Variants in ST6GALNAC3 observed in about 807,000 individuals in gnomAD.
ST6GALNAC3 encodes the protein alpha-N-acetylgalactosaminide alpha-2,6-sialyltransferase 3.
A neutral mutation model predicts 32.7 loss-of-function variants in ST6GALNAC3; 25 were observed. That is an observed-to-expected ratio of 0.76 (90% CI 0.56 to 1.07). The LOEUF is 1.07. Ranked by LOEUF, ST6GALNAC3 falls within the 50% of genes least tolerant of loss-of-function variation. The pLI is 0.00. For missense variants in ST6GALNAC3, 355 were observed against 382.4 expected (o/e 0.93, Z 0.60); for synonymous variants, 129 against 133.1 (o/e 0.97, Z 0.21).
intron 2 of ST6GALNAC3, among the ~76,000 whole-genome samples, chr1:76,318,864 T>C (rs1047868347): frequency 4.6e-5 from 7 of 152,138 alleles, no homozygotes; most frequent in Non-Finnish European, 1.0e-4. Flanking sequence ...CAGGGCTTGG[T>C]TCAAGGTAAT....
At chr1:76,142,842 A>G (rs1418220276) in intron 1 of ST6GALNAC3, 1 of 451,772 alleles carries the variant, frequency 2.2e-6, no homozygotes, top group Admixed American at 2.4e-5. Flanking sequence ...TTTCTTTTAA[A>G]TTTTTCATCT....
intron 3 of ST6GALNAC3, among the ~76,000 whole-genome samples, chr1:76,571,696 C>A (rs1665869986): frequency 2.0e-5 from 3 of 152,058 alleles, no homozygotes; most frequent in Non-Finnish European, 4.4e-5. Flanking sequence ...AGTTGCTGTT[C>A]TTTGCTTATC....
chr1:76,271,219 C>G (rs759083948), intron 1 of ST6GALNAC3, among the ~76,000 whole-genome samples: 29 of 152,174 alleles, frequency 1.9e-4, no homozygotes, highest in Non-Finnish European at 4.1e-4. Context: ...TGGCAAGAGA[C>G]TTCCTTGCTG....
intron 1 of ST6GALNAC3, among the ~76,000 whole-genome samples, chr1:76,216,305 T>C (rs1217697770): frequency 6.6e-6 from 1 of 152,112 alleles, no homozygotes; most frequent in Admixed American, 6.6e-5. Context: ...CAAATACGCA[T>C]ATATGTGTAT....
At chr1:76,314,165 A>G (rs1203817922) in intron 2 of ST6GALNAC3, among the ~76,000 whole-genome samples, 166 bp downstream of exon 2, 2 of 152,038 alleles carry the variant, frequency 1.3e-5, no homozygotes, top group African/African-American at 4.8e-5. Flanking sequence ...ACATTTACTG[A>G]CAAATGTCTA....
intron 3 of ST6GALNAC3, among the ~76,000 whole-genome samples, chr1:76,599,768 T>A (rs1647193628): frequency 6.8e-6 from 1 of 146,484 alleles, no homozygotes; most frequent in South Asian, 2.2e-4. Context: ...GTGTGTAATG[T>A]TGCTCAGAAA....
chr1:76,627,129 T>A (rs183841027), intron 3 of ST6GALNAC3, among the ~76,000 whole-genome samples: 1 of 152,018 alleles, frequency 6.6e-6, no homozygotes, highest in African/African-American at 2.4e-5. Context: ...CTAATTTGTG[T>A]CTTATGGAAA....
intron 1 of ST6GALNAC3, among the ~76,000 whole-genome samples, chr1:76,090,787 G>T (rs776035245): frequency 6.6e-6 from 1 of 152,172 alleles, no homozygotes; most frequent in Non-Finnish European, 1.5e-5. Context: ...GACTTTGGGG[G>T]CTGGTGGGAC....
chr1:76,215,024 G>A (rs547804933), intron 1 of ST6GALNAC3, among the ~76,000 whole-genome samples: 8 of 152,282 alleles, frequency 5.3e-5, no homozygotes, highest in Middle Eastern at 3.4e-3. Flanking sequence ...TTAAAAGCTA[G>A]CATGAACATA....
intron 3 of ST6GALNAC3, among the ~76,000 whole-genome samples, chr1:76,488,907 C>T (rs931812974): frequency 6.6e-6 from 1 of 152,186 alleles, no homozygotes; most frequent in African/African-American, 2.4e-5. Context: ...AGGCCCAGGG[C>T]AAGCTCCACT....
intron 3 of ST6GALNAC3, among the ~76,000 whole-genome samples, chr1:76,599,998 G>A (rs1234837110): frequency 6.6e-6 from 1 of 152,150 alleles, no homozygotes; most frequent in Non-Finnish European, 1.5e-5. Flanking sequence ...TAGATGTTAC[G>A]GACTGAATGT....
intron 3 of ST6GALNAC3, among the ~76,000 whole-genome samples, chr1:76,426,411 G>A (rs1461121121): frequency 1.3e-5 from 2 of 151,710 alleles, no homozygotes; most frequent in African/African-American, 4.8e-5. Context: ...CAATATCGCT[G>A]TCTTCCACCT....
chr1:76,356,753 A>C (rs1293741185), intron 2 of ST6GALNAC3, among the ~76,000 whole-genome samples: 1 of 152,198 alleles, frequency 6.6e-6, no homozygotes, highest in Admixed American at 6.5e-5. Flanking sequence ...CCTAGGATAC[A>C]TAGATAATGC....
intron 1 of ST6GALNAC3, among the ~76,000 whole-genome samples, chr1:76,096,323 A>G (rs1351582571): frequency 1.3e-5 from 2 of 152,172 alleles, no homozygotes; most frequent in Non-Finnish European, 2.9e-5. Context: ...AAGAAAAAAA[A>G]CAATCCTGGT....
intron 3 of ST6GALNAC3, among the ~76,000 whole-genome samples, chr1:76,424,325 T>A (rs760005947): frequency 6.6e-6 from 1 of 151,840 alleles, no homozygotes; most frequent in Non-Finnish European, 1.5e-5. Context: ...AGTTCTGTCA[T>A]CTGGAAAGAG....
At chr1:76,075,914 A>G (rs1646809802) in intron 1 of ST6GALNAC3, among the ~76,000 whole-genome samples, 1 of 152,200 alleles carries the variant, frequency 6.6e-6, no homozygotes, top group Non-Finnish European at 1.5e-5. Flanking sequence ...TTATTTCTCT[A>G]TAAGATGATA....
At chr1:76,420,157 T>C (rs1654933485) in intron 3 of ST6GALNAC3, among the ~76,000 whole-genome samples, 1 of 152,054 alleles carries the variant, frequency 6.6e-6, no homozygotes, top group Admixed American at 6.6e-5. Flanking sequence ...CTGACCCAAA[T>C]GATTTGAGGC....
At chr1:76,125,316 G>C (rs950043708) in intron 1 of ST6GALNAC3, among the ~76,000 whole-genome samples, 1 of 152,128 alleles carries the variant, frequency 6.6e-6, no homozygotes, top group African/African-American at 2.4e-5. Flanking sequence ...ATCTTGTTCA[G>C]GTTTTGGGCA....
At chr1:76,464,239 A>G (rs1658479563) in intron 3 of ST6GALNAC3, among the ~76,000 whole-genome samples, 1 of 152,194 alleles carries the variant, frequency 6.6e-6, no homozygotes, top group African/African-American at 2.4e-5. Context: ...TGATTTCAAA[A>G]GACTTACGTA....
Sources: gnomAD v4.1 joint callset for allele counts (sites outside exome capture counted in the v4.1 genomes callset) on GRCh38, gnomAD v4.1.1 for gene constraint, MANE v1.5 for transcripts, NCBI Gene and HGNC (gene_info 2026-07-23, HGNC 2026-07-21) for gene names.